SLIT3: variants seen among roughly 807,000 people sequenced by gnomAD.
The protein encoded by SLIT3 is slit homolog 3 protein.
SLIT3 carries 68 observed loss-of-function variants against 184.0 expected under a neutral mutation model. The ratio of observed to expected loss-of-function variants is 0.37; its 90% CI spans 0.30 to 0.45. The LOEUF (loss-of-function observed/expected upper bound fraction) is 0.45. Among genes scored for constraint, SLIT3 ranks in the 20% least tolerant of loss-of-function variants. The pLI, the probability that SLIT3 is intolerant of heterozygous loss-of-function variation, is 1.00. For synonymous variants in SLIT3, 831 were observed against 828.6 expected (o/e 1.00, Z -0.05); for missense variants, 1,707 against 2,026.0 (o/e 0.84, Z 3.02).
rs80277603 is a variant in SLIT3 at position 168,882,422 on chromosome 5, C to T, written c.485+843G>A. ...AAATCGTCAAAGTTCAAAAATGTCA[C>T]GCTGGAACAGTCCTGCGCTTGACTA... On this transcript the variant is annotated intron_variant, in intron 5 of 35. Transcript: ENST00000519560. Among the ~76,000 whole-genome samples the T allele has an allele frequency of 3.0e-3, 453 of 152,276 alleles. 4 individuals carry two copies. Among genetic ancestry groups the T allele is most frequent in the African/African-American group, 0.01 (432 of 41,550 alleles).
chr5:169,238,641 C>T (rs1765284995), intron 3 of SLIT3, among the ~76,000 whole-genome samples: 1 of 145,696 alleles, frequency 6.9e-6, no homozygotes, highest in Non-Finnish European at 1.5e-5. Flanking sequence ...CAAGATTTGA[C>T]TCTTCTGGTG....
intron 4 of SLIT3, among the ~76,000 whole-genome samples, chr5:169,179,957 C>T (rs1218495655): frequency 6.6e-6 from 1 of 152,070 alleles, no homozygotes; most frequent in Non-Finnish European, 1.5e-5. Context: ...AAGAAGCTTA[C>T]AATCTATGGG....
chr5:169,016,421 G>A (rs1756377594), intron 4 of SLIT3, among the ~76,000 whole-genome samples: 1 of 152,138 alleles, frequency 6.6e-6, no homozygotes. Context: ...CTGGCGGAGT[G>A]ATTTTTATGA....
intron 30 of SLIT3, among the ~76,000 whole-genome samples, chr5:168,686,739 G>T (rs1343011037): frequency 6.6e-6 from 1 of 152,236 alleles, no homozygotes; most frequent in African/African-American, 2.4e-5. Context: ...CAGCTTTCAC[G>T]TGGAGTTGCC....
chr5:168,975,063 C>G (rs766199665), intron 4 of SLIT3, among the ~76,000 whole-genome samples: 1 of 152,180 alleles, frequency 6.6e-6, no homozygotes, highest in African/African-American at 2.4e-5. Context: ...AAAGTTACCA[C>G]AAGGGGCACA....
intron 5 of SLIT3, among the ~76,000 whole-genome samples, chr5:168,872,640 C>CTTCT (rs1554151402): frequency 3.6e-5 from 4 of 112,430 alleles, no homozygotes; most frequent in African/African-American, 6.9e-5. Context: ...TCTTCTTCTT[C>CTTCT]TTTTTTTTTT....
At chr5:169,213,585 G>A (rs186892181) in intron 3 of SLIT3, among the ~76,000 whole-genome samples, 225 of 152,258 alleles carry the variant, frequency 1.5e-3, no homozygotes, top group Non-Finnish European at 2.5e-3. Context: ...TCCTCCAGGA[G>A]ATCTTCCTTG....
chr5:168,701,363 TTTGGTA>T (rs1762207567), intron 26 of SLIT3, among the ~76,000 whole-genome samples: 1 of 152,058 alleles, frequency 6.6e-6, no homozygotes. Flanking sequence ...GGGTCCAGGC[TTTGGTA>T]TTCTAAAGTT....
At chr5:169,251,238 T>C in intron 2 of SLIT3, 150 bp downstream of exon 2, 2 of 640,116 alleles carry the variant, frequency 3.1e-6, no homozygotes, top group East Asian at 2.7e-5. Flanking sequence ...TGTAAGCATG[T>C]GGGTACGCTA....
chr5:168,830,958 C>T (rs1307331950), intron 6 of SLIT3, among the ~76,000 whole-genome samples: 1 of 152,196 alleles, frequency 6.6e-6, no homozygotes, highest in Admixed American at 6.5e-5. Context: ...GTGTTGGCCT[C>T]ACTGCTGAGG....
chr5:169,300,391 G>T lies in SLIT3; in HGVS notation c.197+122C>A. On this transcript the variant is annotated intron_variant, in intron 1 of 35. Coordinates refer to ENST00000519560, the MANE Select transcript of SLIT3 (RefSeq NM_003062.4). This position sits in a 1 kb window ranked among gnomAD's most constrained non-coding sequence, Gnocchi z 4.1. ...TCGGAGAGTGAGGGATCGTATCCAGGAAGGGATGAGAATAGAGACTGCATC... is the reference window on the plus strand; with the variant it reads ...TCGGAGAGTGAGGGATCGTATCCAGTAAGGGATGAGAATAGAGACTGCATC... 8.2e-7 allele frequency: 1 copy of T among 1,216,600 alleles called. No individual in the cohort carries two copies. The highest frequency in any genetic ancestry group is 1.1e-6 in the Non-Finnish European group (1 of 940,376). The allele number at this position is 1,216,600 out of a possible 1,614,324, so 75.4% of individuals were successfully genotyped here. A position where few individuals can be genotyped will look rare whatever the true frequency, so the allele number is the denominator to read the frequency against.
chr5:169,294,078 T>C (rs1767433144), intron 1 of SLIT3, among the ~76,000 whole-genome samples: 1 of 152,196 alleles, frequency 6.6e-6, no homozygotes, highest in African/African-American at 2.4e-5. Context: ...TCTCTGGGAA[T>C]GCCTCCACCC....
chr5:168,972,748 C>A (rs1754623331), intron 4 of SLIT3, among the ~76,000 whole-genome samples: 1 of 152,082 alleles, frequency 6.6e-6, no homozygotes, highest in Non-Finnish European at 1.5e-5. Context: ...CCTGTCTTTG[C>A]CTGTTTTAAC....
chr5:169,258,917 A>G (rs1766069617), intron 1 of SLIT3, among the ~76,000 whole-genome samples: 1 of 152,136 alleles, frequency 6.6e-6, no homozygotes, highest in African/African-American at 2.4e-5. Context: ...TATAAATTCA[A>G]ATGGTGTGGA....
chr5:169,296,619 C>G (rs763563411), intron 1 of SLIT3, among the ~76,000 whole-genome samples: 6 of 152,198 alleles, frequency 3.9e-5, no homozygotes, highest in Non-Finnish European at 8.8e-5. Flanking sequence ...CTTGGAAAGT[C>G]TCTCACTTGA....
At chr5:169,021,041 C>T (rs1454894140) in intron 4 of SLIT3, among the ~76,000 whole-genome samples, 1 of 152,172 alleles carries the variant, frequency 6.6e-6, no homozygotes, top group African/African-American at 2.4e-5. Context: ...ACCTGGCTTT[C>T]AGAACCTTCT....
At chr5:168,784,552 C>T (rs1756083845) in intron 12 of SLIT3, among the ~76,000 whole-genome samples, 1 of 152,218 alleles carries the variant, frequency 6.6e-6, no homozygotes, top group Non-Finnish European at 1.5e-5. Context: ...ACATAATTCA[C>T]ATTAGTGCGT....
At chr5:169,273,472 A>G (rs1251892922) in intron 1 of SLIT3, among the ~76,000 whole-genome samples, 1 of 152,216 alleles carries the variant, frequency 6.6e-6, no homozygotes, top group Non-Finnish European at 1.5e-5. Flanking sequence ...GCTCTAGGTC[A>G]GTGATTCCCA....
chr5:168,752,910 A>T, intron 18 of SLIT3, 45 bp downstream of exon 18: 18 of 1,594,644 alleles, frequency 1.1e-5, no homozygotes, highest in Non-Finnish European at 1.5e-5. Context: ...AGCGCTGCAG[A>T]GTGGGATCCC....
Sources: gnomAD v4.1 joint callset for allele counts (sites outside exome capture counted in the v4.1 genomes callset) on GRCh38, gnomAD v4.1.1 for gene constraint, Gnocchi (gnomAD v3.1) non-coding constraint, MANE v1.5 for transcripts, NCBI Gene and HGNC (gene_info 2026-07-23, HGNC 2026-07-21) for gene names.